Variants in ZNF540 observed in about 807,000 individuals in gnomAD.
ZNF540 encodes the protein CTD-3064H18.6.
ZNF540 carries 3 observed loss-of-function variants against 11.8 expected under a neutral mutation model. That is an observed-to-expected ratio of 0.25 (90% confidence interval 0.12 to 0.65). The LOEUF (loss-of-function observed/expected upper bound fraction) is 0.65. ZNF540 is among the 30% of genes least tolerant of loss of function. The probability of loss-of-function intolerance (pLI) is 0.83; values close to 1 mark genes in which losing one functional copy is unlikely to be tolerated. For missense variants in ZNF540, 709 were observed against 793.1 expected (o/e 0.89, Z 1.27); for synonymous variants, 247 against 259.0 (o/e 0.95, Z 0.45).
At chr19:37,564,664 A>C (rs756214598) in intron 1 of ZNF540, 3 of 1,610,234 alleles carry the variant, frequency 1.9e-6, no homozygotes, top group Non-Finnish European at 1.7e-6. Context: ...CACACTGGAC[A>C]CATGTATAGG....
chr19:37,563,631 TGTGGAATATATACACAC>T (rs2042747542), intron 1 of ZNF540: 2 of 151,632 alleles, frequency 1.3e-5, no homozygotes, highest in Middle Eastern at 3.4e-3. Flanking sequence ...TGTATACATA[TGTGGAATATATACACAC>T]GTGGAATGTA....
chr19:37,565,103 G>T (rs200244064), intron 1 of ZNF540: 22 of 1,612,054 alleles, frequency 1.4e-5, no homozygotes, highest in Admixed American at 3.3e-5. Flanking sequence ...TTTCTCACCT[G>T]TATGAATTCT....
chr19:37,573,849 A>G (rs1429628660), intron 1 of ZNF540, among the ~76,000 whole-genome samples: 1 of 151,786 alleles, frequency 6.6e-6, no homozygotes, highest in Non-Finnish European at 1.5e-5. Flanking sequence ...AAAAAAAGAA[A>G]GAAAAAGAAA....
intron 1 of ZNF540, among the ~76,000 whole-genome samples, chr19:37,588,055 G>A (rs1381856214): frequency 8.4e-6 from 1 of 119,670 alleles, no homozygotes; most frequent in Admixed American, 1.1e-4. Context: ...ACCCAAGATT[G>A]CGCCACTGCA....
intron 4 of ZNF540, among the ~76,000 whole-genome samples, chr19:37,610,271 GATTA>G (rs2044118205): frequency 6.6e-6 from 1 of 152,178 alleles, no homozygotes; most frequent in Non-Finnish European, 1.5e-5. Context: ...TTAAGACAAT[GATTA>G]ATTTATTGTA....
chr19:37,605,043 C>T (rs1202798977), intron 4 of ZNF540, among the ~76,000 whole-genome samples: 1 of 152,282 alleles, frequency 6.6e-6, no homozygotes, highest in Admixed American at 6.5e-5. Flanking sequence ...TAAGTTGTTT[C>T]TAGTCTTTCG....
chr19:37,612,309 C>T lies in ZNF540; in HGVS notation c.1029C>T (p.Thr343=). The part of the protein sequence containing the change: ...GKAFSVCGQL[T]RHQKIHTGVK... Reference sequence around the variant, plus strand: ...CTTTTAGTGTATGCGGACAACTTACCCGTCATCAGAAAATTCATACTGGTG... The same window carrying T: ...CTTTTAGTGTATGCGGACAACTTACTCGTCATCAGAAAATTCATACTGGTG... Residue 343 remains threonine (T), a synonymous_variant, in exon 5 of 5, where the codon ACC becomes ACT. Transcript: ENST00000316433. 6.2e-7 allele frequency: 1 copy of T among 1,611,986 alleles called. No homozygotes were observed. Among genetic ancestry groups the T allele is most frequent in the Non-Finnish European group, 8.5e-7 (1 of 1,179,392 alleles).
In ZNF540 at chr19:37,579,337, G is replaced by A. The variant is rs559006292; in HGVS notation, c.-72-19039G>A. On this transcript the variant is annotated intron_variant, in intron 1 of 4. Transcript: ENST00000592533. ...CTTGCCCCATTCCAACTCTGCTGGC[G>A]CCTGACCATTTCCCCCAGGGCCTGA... is the stretch of plus-strand genomic sequence containing the variant. 8.5e-5 allele frequency among the ~76,000 whole-genome samples: 13 copies of A among 152,246 alleles called. No homozygotes were observed. In the South Asian group the frequency reaches 2.1e-3, roughly 24 times the overall value.
intron 1 of ZNF540, among the ~76,000 whole-genome samples, chr19:37,584,615 A>T (rs1449969028): frequency 6.6e-6 from 1 of 152,192 alleles, no homozygotes; most frequent in Non-Finnish European, 1.5e-5. Flanking sequence ...AACAGAATGG[A>T]CATATTTCCA....
intron 1 of ZNF540, among the ~76,000 whole-genome samples, chr19:37,572,620 A>G (rs1005483001): frequency 3.3e-5 from 5 of 152,216 alleles, no homozygotes; most frequent in Non-Finnish European, 7.3e-5. Flanking sequence ...ATAAGGGGGA[A>G]CTGCTGTTTT....
chr19:37,581,865 C>T (rs1026024024), intron 1 of ZNF540, among the ~76,000 whole-genome samples: 10 of 150,914 alleles, frequency 6.6e-5, no homozygotes, highest in African/African-American at 2.2e-4. Context: ...CAGGGTGAAC[C>T]AGGAGAATGG....
intron 4 of ZNF540, among the ~76,000 whole-genome samples, chr19:37,603,705 T>A (rs1296907278): frequency 6.6e-6 from 1 of 152,244 alleles, no homozygotes; most frequent in African/African-American, 2.4e-5. Flanking sequence ...ATTTACTGTA[T>A]ACCAGATTTA....
In ZNF540 at chr19:37,573,578, G is replaced by T. The variant is rs566612297; in HGVS notation, c.-73+21913G>T. Among the ~76,000 whole-genome samples the T allele has an allele frequency of 5.9e-5, 9 of 151,934 alleles. No individual in the cohort carries two copies. The East Asian group carries it at 1.7e-3, about 29-fold the overall frequency. The stretch of plus-strand genomic sequence containing the variant: ...GCAGTGGTTCACAACTGTAATGCTA[G>T]GACTTTGGGAGGCTGAGTCAGGAGG... On this transcript the variant is annotated intron_variant, in intron 1 of 4. Coordinates refer to the ZNF540 transcript ENST00000592533.
At chr19:37,602,637 G>A (rs535554801) in intron 4 of ZNF540, among the ~76,000 whole-genome samples, 12 of 152,266 alleles carry the variant, frequency 7.9e-5, no homozygotes, top group African/African-American at 2.9e-4. Flanking sequence ...CTGAGGCCCA[G>A]GGCACTCTAT....
At chr19:37,595,589 C>T (rs1376192386) in intron 1 of ZNF540, among the ~76,000 whole-genome samples, 6 of 152,124 alleles carry the variant, frequency 3.9e-5, no homozygotes, top group Non-Finnish European at 5.9e-5. Context: ...AGAATGAGCA[C>T]GATTGTGTGC....
In ZNF540 at chr19:37,613,719, G is replaced by T; in HGVS notation, c.*456G>T. 1 of 398,314 alleles carries T rather than the reference G, an allele frequency of 2.5e-6. No homozygotes were observed. The highest frequency in any genetic ancestry group is 4.4e-6 in the Non-Finnish European group (1 of 226,002). The allele number at this position is 398,314 out of a possible 1,614,324, so 24.7% of individuals were successfully genotyped here. A position where few individuals can be genotyped will look rare whatever the true frequency, so the allele number is the denominator to read the frequency against. ...TTTCTTAATAGGAAGATGCAATGGAGATGACAAATTTGGAAAAACCACTCA... is the reference window on the plus strand; with the variant it reads ...TTTCTTAATAGGAAGATGCAATGGATATGACAAATTTGGAAAAACCACTCA... On this transcript the variant is annotated 3_prime_UTR_variant, in exon 5 of 5. Transcript: ENST00000316433.
intron 2 of ZNF540, among the ~76,000 whole-genome samples, chr19:37,599,088 G>A (rs537708059): frequency 1.3e-5 from 2 of 152,216 alleles, no homozygotes; most frequent in East Asian, 3.9e-4. Flanking sequence ...TTGCAGTGAG[G>A]TACTATGGCC....
chr19:37,604,208 A>AT (rs1340832511), intron 4 of ZNF540, among the ~76,000 whole-genome samples: 1 of 149,940 alleles, frequency 6.7e-6, no homozygotes, highest in Non-Finnish European at 1.5e-5. Flanking sequence ...AATACAGGAA[A>AT]TTAATAGTTT....
upstream of ZNF540, among the ~76,000 whole-genome samples, chr19:37,590,200 A>G (rs2043826211): frequency 6.6e-6 from 1 of 151,906 alleles, no homozygotes; most frequent in African/African-American, 2.4e-5. Context: ...AGGTCAGGAG[A>G]TCAAGACCAT....
Sources: allele counts gnomAD v4.1 joint callset (sites outside exome capture counted in the v4.1 genomes callset), GRCh38; gene constraint gnomAD v4.1.1; transcripts MANE v1.5; gene names NCBI Gene and HGNC (gene_info 2026-07-23, HGNC 2026-07-21).